Variants in CDH13 observed in about 807,000 individuals in gnomAD.
CDH13 encodes the protein cadherin 13, also known as cadherin-13.
CDH13 carries 24 observed loss-of-function variants against 63.8 expected under a neutral mutation model. That is an observed-to-expected ratio of 0.38 (90% CI 0.27 to 0.53). The LOEUF (loss-of-function observed/expected upper bound fraction) is 0.53, where lower values mean the gene tolerates loss of function less well. CDH13 is among the 20% of genes least tolerant of loss of function. The pLI, the probability that CDH13 is intolerant of heterozygous loss-of-function variation, is 0.85. For synonymous variants in CDH13, 503 were observed against 355.3 expected (o/e 1.42, Z -4.67); for missense variants, 1,049 against 903.1 (o/e 1.16, Z -2.07).
chr16:83,447,241 C>G (rs763482459), intron 6 of CDH13, among the ~76,000 whole-genome samples: 3 of 150,642 alleles, frequency 2.0e-5, no homozygotes, highest in Non-Finnish European at 4.4e-5. Flanking sequence ...ATGGTGAAAC[C>G]CCATCTCTAC....
intron 6 of CDH13, among the ~76,000 whole-genome samples, chr16:83,353,477 T>C (rs529715117): frequency 2.0e-4 from 31 of 152,398 alleles, no homozygotes; most frequent in African/African-American, 7.2e-4. Context: ...AAGCATCTGC[T>C]GGGACAGGAG....
At chr16:83,243,823 G>C (rs1053464624) in intron 5 of CDH13, among the ~76,000 whole-genome samples, 1 of 152,178 alleles carries the variant, frequency 6.6e-6, no homozygotes, top group Non-Finnish European at 1.5e-5. Context: ...CTCAGTGAAA[G>C]TGAAATTTTA....
intron 10 of CDH13, among the ~76,000 whole-genome samples, chr16:83,695,859 G>A (rs1025004871): frequency 3.9e-5 from 6 of 151,948 alleles, no homozygotes; most frequent in African/African-American, 1.2e-4. Context: ...TGAAAGAGAC[G>A]GAATTCAAAT....
At chr16:83,180,751 G>A in intron 4 of CDH13, 1 of 704,818 alleles carries the variant, frequency 1.4e-6, no homozygotes. Flanking sequence ...GGTCACTCTA[G>A]GTAATGTTCT....
Position 83,796,441 on chromosome 16 carries a change from T to C in CDH13, c.*1411T>C, listed in dbSNP as rs1055997649. 3.9e-5 allele frequency: 6 copies of C among 152,260 alleles called. No homozygotes were observed. Among genetic ancestry groups the C allele is most frequent in the African/African-American group, 1.4e-4 (6 of 41,466 alleles). The allele number at this position is 152,260 out of a possible 1,614,324, so 9.4% of individuals were successfully genotyped here. ...GCACTTGTGCTTTCAGTTAGCCTTCTGTAGGAAGTAGAAGTCATATGTTGT... is the reference window on the plus strand; with the variant it reads ...GCACTTGTGCTTTCAGTTAGCCTTCCGTAGGAAGTAGAAGTCATATGTTGT... On this transcript the variant is annotated 3_prime_UTR_variant, in exon 14 of 14. Coordinates refer to ENST00000567109, the MANE Select transcript of CDH13 (RefSeq NM_001257.5).
chr16:83,059,431 G>A (rs574180083), intron 3 of CDH13, among the ~76,000 whole-genome samples: 3 of 152,140 alleles, frequency 2.0e-5, no homozygotes. Context: ...AGAGCCAGGT[G>A]AGTGTGTGCT....
At chr16:82,990,216 TC>T (rs977695311) in intron 2 of CDH13, 3 of 152,226 alleles carry the variant, frequency 2.0e-5, no homozygotes, top group Non-Finnish European at 4.4e-5. Context: ...TCAAAGTTCA[TC>T]TTTGAAATGG....
intron 5 of CDH13, among the ~76,000 whole-genome samples, chr16:83,273,173 T>A (rs1296994191): frequency 7.6e-6 from 1 of 131,090 alleles, no homozygotes; most frequent in Non-Finnish European, 1.7e-5. Flanking sequence ...ATAATATCAA[T>A]TTTTTTTTCT....
chr16:83,098,820 G>C (rs908279972), intron 3 of CDH13, among the ~76,000 whole-genome samples: 1 of 151,974 alleles, frequency 6.6e-6, no homozygotes, highest in African/African-American at 2.4e-5. Flanking sequence ...ATTTGATTAT[G>C]ATAAGAAACA....
At chr16:82,840,720 T>C (rs1180790553) in intron 1 of CDH13, among the ~76,000 whole-genome samples, 1 of 149,820 alleles carries the variant, frequency 6.7e-6, no homozygotes, top group South Asian at 2.1e-4. Flanking sequence ...ACTTGCATAA[T>C]GGAGCAGGCT....
intron 1 of CDH13, among the ~76,000 whole-genome samples, chr16:82,837,598 C>T (rs1212980060): frequency 1.3e-5 from 2 of 152,200 alleles, no homozygotes; most frequent in African/African-American, 4.8e-5. Flanking sequence ...AAGATTTCCA[C>T]AATCCCCTCC....
Position 83,081,007 on chromosome 16 carries a change from G to A in CDH13, c.367-44378G>A, listed in dbSNP as rs567242854. 3.4e-5 allele frequency among the ~76,000 whole-genome samples: 5 copies of A among 145,316 alleles called. No homozygotes were observed. The South Asian group carries it at 9.2e-4, about 27-fold the overall frequency. On this transcript the variant is annotated intron_variant, in intron 3 of 13. Transcript: ENST00000567109. Reference sequence around the variant, plus strand: ...AACGATTCCCCTGCCTCAGCCTCCCGAGTAACTGGGACTACAGGCATGCGC... The same window carrying A: ...AACGATTCCCCTGCCTCAGCCTCCCAAGTAACTGGGACTACAGGCATGCGC...
chr16:83,615,260 G>A (rs1049416552), intron 8 of CDH13, among the ~76,000 whole-genome samples: 4 of 152,062 alleles, frequency 2.6e-5, no homozygotes, highest in Admixed American at 2.6e-4. Flanking sequence ...AGATGCACTT[G>A]TGTCTAAACC....
rs899999613 is a variant in CDH13, at chr16:83,798,256, A to G, written c.*3226A>G. The G allele has an allele frequency of 6.6e-6, 1 of 152,218 alleles. No individual in the cohort carries two copies. Among genetic ancestry groups the G allele is most frequent in the African/African-American group, 2.4e-5 (1 of 41,446 alleles). 9.4% of individuals were successfully genotyped at this position (152,218 alleles called of 1,614,324 possible). A position where few individuals can be genotyped will look rare whatever the true frequency, so the allele number is the denominator to read the frequency against. On this transcript the variant is annotated 3_prime_UTR_variant, in exon 14 of 14. Coordinates refer to ENST00000567109, the MANE Select transcript of CDH13 (RefSeq NM_001257.5). The stretch of plus-strand genomic sequence containing the variant: ...AATCTTAAGATGTGACAACTAAAAA[A>G]TTTTTAACAAGTCTGTGTTTGATCC...
chr16:83,578,575 T>C (rs1318827059), intron 7 of CDH13, among the ~76,000 whole-genome samples: 4 of 152,000 alleles, frequency 2.6e-5, no homozygotes, highest in Non-Finnish European at 5.9e-5. Flanking sequence ...TTTGGAGAGG[T>C]ACTAAGGGCA....
rs866285882 is a variant in CDH13 at position 83,028,400 on chromosome 16, C to A, written c.158-3610C>A. Among the ~76,000 whole-genome samples the A allele has an allele frequency of 4.6e-5, 7 of 152,318 alleles. No homozygotes were observed. In the South Asian group the frequency reaches 1.5e-3, roughly 32 times the overall value. Reference sequence around the variant, plus strand: ...CATGCAAAGATGGCTCTAAAGCTGACTTAACCACGGAAAGCCTTAGAACCT... The same window carrying A: ...CATGCAAAGATGGCTCTAAAGCTGAATTAACCACGGAAAGCCTTAGAACCT... On this transcript the variant is annotated intron_variant, in intron 2 of 13. Coordinates refer to ENST00000567109, the MANE Select transcript of CDH13 (RefSeq NM_001257.5).
At chr16:83,356,212 ATGTGTGTGTGTGTGTGTGTGTGTGTG>A (rs10525181) in intron 6 of CDH13, among the ~76,000 whole-genome samples, 4 of 138,760 alleles carry the variant, frequency 2.9e-5, no homozygotes, top group Admixed American at 7.4e-5. Flanking sequence ...ATTTATTTTC[ATGTGTGTGTGTGTGTGTGTGTGTGTG>A]TGTGTGTGTG....
intron 8 of CDH13, among the ~76,000 whole-genome samples, chr16:83,634,115 T>C (rs1046457285): frequency 2.2e-5 from 3 of 135,680 alleles, no homozygotes; most frequent in Non-Finnish European, 3.2e-5. Flanking sequence ...TTTGTGTGTT[T>C]TCTGTGTGTG....
Position 82,692,415 on chromosome 16 carries a change from G to A in CDH13, c.45+65278G>A, listed in dbSNP as rs555187744. 1.3e-4 allele frequency among the ~76,000 whole-genome samples: 20 copies of A among 152,322 alleles called. No homozygotes were observed. The South Asian group carries it at 4.1e-3, about 32-fold the overall frequency. On this transcript the variant is annotated intron_variant, in intron 1 of 13. Transcript: ENST00000567109. ...AATCATGGTGGAAGGCGAAAGAGGAGCAAAGTCATGTTTTGCATGGCTGCA... is the reference window on the plus strand; with the variant it reads ...AATCATGGTGGAAGGCGAAAGAGGAACAAAGTCATGTTTTGCATGGCTGCA...
Sources: allele counts gnomAD v4.1 joint callset (sites outside exome capture counted in the v4.1 genomes callset), GRCh38; gene constraint gnomAD v4.1.1; transcripts MANE v1.5; gene names NCBI Gene and HGNC (gene_info 2026-07-23, HGNC 2026-07-21).